EPB41L4B: variants seen among roughly 807,000 people sequenced by gnomAD.
The protein encoded by EPB41L4B is erythrocyte membrane protein band 4.1 like 4B, also known as band 4.1-like protein 4B.
A neutral mutation model predicts 112.5 loss-of-function variants in EPB41L4B; 30 were observed. That is an observed-to-expected ratio of 0.27 (90% confidence interval 0.20 to 0.36). The LOEUF is 0.36. Among genes scored for constraint, EPB41L4B ranks in the 10% least tolerant of loss-of-function variants. The pLI is 1.00. For synonymous variants in EPB41L4B, 408 were observed against 439.7 expected (o/e 0.93, Z 0.90); for missense variants, 1,024 against 1,133.3 (o/e 0.90, Z 1.38).
At chr9:109,241,055 ACT>A (rs1834337395) in intron 15 of EPB41L4B, 1 of 985,408 alleles carries the variant, frequency 1.0e-6, no homozygotes. Context: ...GAAAGGAGTA[ACT>A]CTGTCAAGGA....
chr9:109,289,995 G>T (rs1223576456), intron 1 of EPB41L4B, among the ~76,000 whole-genome samples: 1 of 152,192 alleles, frequency 6.6e-6, no homozygotes, highest in Non-Finnish European at 1.5e-5. Context: ...GACGTGGGGA[G>T]TGGTGGTGCT....
At chr9:109,210,660 A>G (rs1173264436) in intron 17 of EPB41L4B, among the ~76,000 whole-genome samples, 1 of 152,222 alleles carries the variant, frequency 6.6e-6, no homozygotes, top group Non-Finnish European at 1.5e-5. Context: ...GAACTGACGC[A>G]GGTGAAGGCC....
At chr9:109,316,363 G>A (rs967295164) in intron 1 of EPB41L4B, among the ~76,000 whole-genome samples, 1 of 152,254 alleles carries the variant, frequency 6.6e-6, no homozygotes, top group Non-Finnish European at 1.5e-5. Flanking sequence ...ACAGGGCAAC[G>A]GGAGGCGGGG....
intron 1 of EPB41L4B, among the ~76,000 whole-genome samples, chr9:109,298,653 C>G (rs534779197): frequency 4.6e-5 from 7 of 152,298 alleles, no homozygotes; most frequent in Admixed American, 4.6e-4. Context: ...TGCCAAGGAA[C>G]AAGTGTTAAC....
chr9:109,194,963 C>T (rs1030485946), intron 20 of EPB41L4B, among the ~76,000 whole-genome samples: 3 of 152,182 alleles, frequency 2.0e-5, no homozygotes, highest in African/African-American at 7.2e-5. Flanking sequence ...TAGCATACAT[C>T]AAAATTTCAT....
intron 15 of EPB41L4B, among the ~76,000 whole-genome samples, chr9:109,231,348 T>G (rs1457187293): frequency 6.6e-6 from 1 of 152,200 alleles, no homozygotes; most frequent in Non-Finnish European, 1.5e-5. Flanking sequence ...CTTGATCTGA[T>G]GATGATTAGT....
chr9:109,202,786 T>C (rs1832878382), intron 19 of EPB41L4B, among the ~76,000 whole-genome samples: 1 of 152,126 alleles, frequency 6.6e-6, no homozygotes, highest in Admixed American at 6.6e-5. Context: ...GTGATGGATA[T>C]TCTAAAAGCC....
chr9:109,233,722 G>C (rs1834035917), intron 15 of EPB41L4B, among the ~76,000 whole-genome samples: 1 of 151,992 alleles, frequency 6.6e-6, no homozygotes, highest in South Asian at 2.1e-4. Flanking sequence ...AGCAGAGATG[G>C]GGTTTTGCCA....
intron 15 of EPB41L4B, chr9:109,241,322 C>T (rs1464919677): frequency 1.9e-6 from 2 of 1,042,684 alleles, no homozygotes; most frequent in Non-Finnish European, 2.3e-6. Flanking sequence ...GCAATCTTCC[C>T]AAGCTCTTCT....
intron 15 of EPB41L4B, among the ~76,000 whole-genome samples, chr9:109,239,316 G>C (rs1054511918): frequency 6.6e-6 from 1 of 152,192 alleles, no homozygotes; most frequent in Non-Finnish European, 1.5e-5. Flanking sequence ...TCAGGCAGAA[G>C]AAAAGTTTTG....
chr9:109,196,346 A>G (rs1246369215), intron 20 of EPB41L4B: 1 of 152,182 alleles, frequency 6.6e-6, no homozygotes, highest in Non-Finnish European at 1.5e-5. Context: ...CTATGTTTAA[A>G]TAAACAGTGA....
chr9:109,177,975 G>A (rs934135753), intron 24 of EPB41L4B, among the ~76,000 whole-genome samples: 2 of 150,086 alleles, frequency 1.3e-5, no homozygotes, highest in Non-Finnish European at 1.5e-5. Context: ...CTGGAGTGCA[G>A]TTGGCACAAT....
Position 109,267,538 on chromosome 9 carries a change from A to G in EPB41L4B, c.468T>C (p.Tyr156=). 6.2e-7 allele frequency: 1 copy of G among 1,611,958 alleles called. No individual in the cohort carries two copies. The highest frequency in any genetic ancestry group is 8.5e-7 in the Non-Finnish European group (1 of 1,178,038). Residue 156 remains tyrosine, a synonymous_variant, in exon 4 of 26, where the codon TAT becomes TAC. Transcript: ENST00000374566. ...AGTATTTAACTCGAAAGTGTAAAGC[A>G]TAAGCAGGTCCAACTAAACATTTGG... The part of the protein sequence containing the change: ...IKKQMKIGPA[Y]ALHFRVKYYS...
At chr9:109,309,500 G>C (rs1837335676) in intron 1 of EPB41L4B, among the ~76,000 whole-genome samples, 2 of 152,178 alleles carry the variant, frequency 1.3e-5, no homozygotes, top group South Asian at 4.1e-4. Context: ...ATCTCATGGA[G>C]TCCAGAGGCC....
At chr9:109,267,429 G>C in intron 4 of EPB41L4B, 44 bp downstream of exon 4, 1 of 1,302,594 alleles carries the variant, frequency 7.7e-7, no homozygotes, top group East Asian at 2.3e-5. Context: ...TGACATGTAA[G>C]GCAAGCCCTG....
chr9:109,187,007 G>A (rs908501405), intron 22 of EPB41L4B, among the ~76,000 whole-genome samples: 5 of 152,148 alleles, frequency 3.3e-5, no homozygotes, highest in Admixed American at 6.5e-5. Context: ...AGCACCATGC[G>A]CCCAGCAGAG....
At position 109,203,659 on chromosome 9, in the gene EPB41L4B, A is replaced by G; in HGVS notation, c.1946+4T>C. 1 of 1,609,904 alleles carries G rather than the reference A, an allele frequency of 6.2e-7. No homozygotes were observed. The highest frequency in any genetic ancestry group is 8.5e-7 in the Non-Finnish European group (1 of 1,176,204). On this transcript the variant is annotated splice_donor_region_variant and intron_variant, in intron 19 of 25. Coordinates refer to ENST00000374566, the MANE Select transcript of EPB41L4B (RefSeq NM_019114.5). Reference sequence around the variant, plus strand: ...TTTCCCCATTCAGACAAGGAGCAACAGACCTTACACTAGCGTCCTGAAGAC... The same window carrying G: ...TTTCCCCATTCAGACAAGGAGCAACGGACCTTACACTAGCGTCCTGAAGAC...
intron 6 of EPB41L4B, among the ~76,000 whole-genome samples, chr9:109,258,825 C>T (rs77688127): frequency 5.1e-4 from 78 of 152,248 alleles, no homozygotes; most frequent in African/African-American, 1.9e-3. Context: ...GCGAGGGCTG[C>T]AGGAGCAACT....
chr9:109,262,489 G>A (rs914186818), intron 6 of EPB41L4B, among the ~76,000 whole-genome samples: 2 of 147,666 alleles, frequency 1.4e-5, no homozygotes, highest in Admixed American at 1.4e-4. Flanking sequence ...GCAAACCCCT[G>A]CCCTAGTTAG....
Sources: allele counts gnomAD v4.1 joint callset (sites outside exome capture counted in the v4.1 genomes callset), GRCh38; gene constraint gnomAD v4.1.1; transcripts MANE v1.5; gene names NCBI Gene and HGNC (gene_info 2026-07-23, HGNC 2026-07-21).